SAG: variants seen among roughly 807,000 people sequenced by gnomAD.
SAG encodes the protein S-antigen visual arrestin, also known as S-arrestin.
SAG carries 45 observed loss-of-function variants against 55.0 expected under a neutral mutation model. The observed-to-expected ratio is 0.82, with a 90% CI of 0.64 to 1.05. The LOEUF is 1.05. Among genes scored for constraint, SAG ranks in the 50% least tolerant of loss-of-function variants. The pLI is 0.00. For synonymous variants in SAG, 189 were observed against 197.4 expected (o/e 0.96, Z 0.36); for missense variants, 455 against 512.1 (o/e 0.89, Z 1.08).
rs750754019 is a variant in SAG at position 233,318,776 on chromosome 2, T to C, written c.162T>C (p.Asp54=). Residue 54 remains aspartate, a synonymous_variant, in exon 4 of 16, where the codon GAT becomes GAC. Coordinates refer to ENST00000409110, the MANE Select transcript of SAG (RefSeq NM_000541.5). The part of the protein sequence containing the change: ...PVDGVVLVDP[D]LVKGKKVYVT... ...ATGGTGTCGTGTTGGTTGATCCTGA[T>C]CTTGTGAAGGGAAAGAAAGGTGAGA... The C allele has an allele frequency of 6.2e-7, 1 of 1,613,930 alleles. No individual in the cohort carries two copies. The highest frequency in any genetic ancestry group is 1.7e-5 in the Admixed American group (1 of 60,020).
intron 2 of SAG, among the ~76,000 whole-genome samples, chr2:233,309,673 G>T (rs759691885): frequency 6.6e-6 from 1 of 152,122 alleles, no homozygotes; most frequent in African/African-American, 2.4e-5. Context: ...CACTGTGAGG[G>T]CCAGGGAAGC....
intron 6 of SAG, among the ~76,000 whole-genome samples, chr2:233,325,849 T>G (rs1310767418): frequency 6.6e-6 from 1 of 152,100 alleles, no homozygotes; most frequent in South Asian, 2.1e-4. Flanking sequence ...GCTTGACAGC[T>G]GAGAAGCCCA....
chr2:233,337,250 T>G (rs200441293), intron 11 of SAG, among the ~76,000 whole-genome samples: 20,834 of 152,088 alleles, frequency 0.14, 1,628 homozygotes, highest in African/African-American at 0.21. Flanking sequence ...TATTTTTATT[T>G]TTTTTTGAGA....
Position 233,319,087 on chromosome 2 carries a change from C to T in SAG, c.181+292C>T. The T allele has an allele frequency of 1.7e-6, 1 of 590,216 alleles. No homozygotes were observed. Among genetic ancestry groups the T allele is most frequent in the East Asian group, 3.5e-5 (1 of 28,454 alleles). 36.6% of individuals were successfully genotyped at this position (590,216 alleles called of 1,614,324 possible). Reference sequence around the variant, plus strand: ...TGGCCCCCATTCCTGTTTGCTCGCCCCTGTTTCATGTACTTCTGTGCTAGG... The same window carrying T: ...TGGCCCCCATTCCTGTTTGCTCGCCTCTGTTTCATGTACTTCTGTGCTAGG... On this transcript the variant is annotated intron_variant, in intron 4 of 15. Coordinates refer to ENST00000409110, the MANE Select transcript of SAG (RefSeq NM_000541.5). The surrounding 1 kb of genome is among the most constrained non-coding windows in gnomAD (Gnocchi z 4.4).
At chr2:233,310,864 G>A (rs575155388) in intron 2 of SAG, among the ~76,000 whole-genome samples, 3 of 152,126 alleles carry the variant, frequency 2.0e-5, no homozygotes, top group East Asian at 1.9e-4. Flanking sequence ...CATCCTTACC[G>A]TGCCACCCAG....
intron 1 of SAG, 39 bp from the exon 2 acceptor site, chr2:233,309,122 AC>A: frequency 1.6e-6 from 2 of 1,235,258 alleles, no homozygotes; most frequent in South Asian, 2.5e-5. Flanking sequence ...GGATTGTCTT[AC>A]CTTTCTCCAA....
chr2:233,308,307 A>G (rs943138820), intron 1 of SAG, among the ~76,000 whole-genome samples: 4 of 152,166 alleles, frequency 2.6e-5, no homozygotes, highest in African/African-American at 9.7e-5. Flanking sequence ...AAAAAAACAA[A>G]AATAAAAATA....
intron 6 of SAG, among the ~76,000 whole-genome samples, chr2:233,325,755 C>T (rs1345867968): frequency 1.3e-5 from 2 of 152,194 alleles, no homozygotes; most frequent in Non-Finnish European, 2.9e-5. Flanking sequence ...CAGGTCTTAG[C>T]ACAGCTGCAG....
rs1175972010 is a variant in SAG, at chr2:233,346,836, A to C, written c.1142A>C (p.Glu381Ala). 1 of 1,612,240 alleles carries C rather than the reference A, an allele frequency of 6.2e-7. No homozygotes were observed. ...CAGGATGCAAATTTAGTTTTTGAGG[A>C]GTTTGCTCGCCATAATCTGAAAGAT... ...SYQDANLVFE[E>A]FARHNLKDAG... Residue 381 changes from glutamate (E) to alanine (A), a missense_variant, in exon 16 of 16, where the codon GAG becomes GCG. Glu to Ala is a moderately radical substitution (Grantham distance 107). Coordinates refer to ENST00000409110, the MANE Select transcript of SAG (RefSeq NM_000541.5).
At chr2:233,329,356 T>C in intron 8 of SAG, 137 bp from the exon 9 acceptor site, 1 of 658,502 alleles carries the variant, frequency 1.5e-6, no homozygotes, top group Non-Finnish European at 2.7e-6. Context: ...AAGAAATGTA[T>C]TGCTATCACT....
rs528755318 is a variant in SAG, at chr2:233,342,006, C to G, written c.1047-265C>G. On this transcript the variant is annotated intron_variant, in intron 13 of 15. Transcript: ENST00000409110. ...GGCCATGGTGGCATGCATTTGTAGTCCCAGCTACTCGGGAGGCTGAGATAG... is the reference window on the plus strand; with the variant it reads ...GGCCATGGTGGCATGCATTTGTAGTGCCAGCTACTCGGGAGGCTGAGATAG... Among the ~76,000 whole-genome samples, 25 of 152,192 alleles carry G rather than the reference C, an allele frequency of 1.6e-4. 1 individual carries two copies. The highest frequency in any genetic ancestry group is 6.0e-4 in the African/African-American group (25 of 41,522).
chr2:233,328,545 G>A lies in SAG; in HGVS notation c.580G>A (p.Ala194Thr), dbSNP rs1182354084. ...ACTTGAGATGGGTCCCCAGCCCCGA[G>A]CTGAGGCGGCCTGGCAGTTCTTCAT... The part of the protein sequence containing the change: ...APLEMGPQPR[A>T]EAAWQFFMSD... Residue 194 changes from alanine (A) to threonine (T), a missense_variant, in exon 8 of 16, where the codon GCT (alanine) becomes ACT (threonine). By Grantham distance (58) the Ala-to-Thr change is moderately conservative. Coordinates refer to ENST00000409110, the MANE Select transcript of SAG (RefSeq NM_000541.5). 1.9e-6 allele frequency: 3 copies of A among 1,613,956 alleles called. No individual in the cohort carries two copies. Among genetic ancestry groups the A allele is most frequent in the Admixed American group, 1.7e-5 (1 of 60,008 alleles).
intron 10 of SAG, chr2:233,334,701 A>T: frequency 2.3e-6 from 1 of 443,256 alleles, no homozygotes; most frequent in East Asian, 3.8e-5. Context: ...CATTAACTCC[A>T]TAGAACATTC....
intron 14 of SAG, chr2:233,345,585 G>A (rs13420976): frequency 0.11 from 16,276 of 151,952 alleles, 1,154 homozygotes; most frequent in African/African-American, 0.21. Context: ...GCCAGGCATG[G>A]TGGTGGGTGC....
At chr2:233,325,879 C>A (rs973141626) in intron 6 of SAG, among the ~76,000 whole-genome samples, 3 of 152,140 alleles carry the variant, frequency 2.0e-5, no homozygotes, top group African/African-American at 7.2e-5. Context: ...GCAGAACAGG[C>A]GTTGGTGTGG....
chr2:233,328,190 G>A (rs553889015), intron 7 of SAG: 17 of 346,524 alleles, frequency 4.9e-5, no homozygotes, highest in African/African-American at 3.1e-4. Context: ...GCTGACAGGA[G>A]GCAGAGCTGG....
intron 2 of SAG, among the ~76,000 whole-genome samples, chr2:233,313,204 T>C (rs577877076): frequency 6.6e-6 from 1 of 152,078 alleles, no homozygotes; most frequent in South Asian, 2.1e-4. Flanking sequence ...GACCGTGAGG[T>C]GTCCCCTGAA....
Position 233,338,693 on chromosome 2 carries a change from A to T in SAG, c.962A>T (p.Asp321Val), listed in dbSNP as rs747281142. Reference sequence around the variant, plus strand: ...TTGGGCAGCATTAAGGAGGGCATAGACCGGACCGTCCTGGGAATCCTGGTG... The same window carrying T: ...TTGGGCAGCATTAAGGAGGGCATAGTCCGGACCGTCCTGGGAATCCTGGTG... ...ASSTIIKEGI[D>V]RTVLGILVSY... The change falls in exon 12 of 16, where the codon GAC (aspartate) becomes GTC (valine). Residue 321 changes from aspartate (D) to valine (V), a missense_variant. Transcript: ENST00000409110. 21 of 1,613,868 alleles carry T rather than the reference A, an allele frequency of 1.3e-5. No individual in the cohort carries two copies. In the South Asian group the frequency reaches 2.1e-4, roughly 16 times the overall value.
chr2:233,344,437 C>G (rs1004885015), intron 14 of SAG: 1 of 152,238 alleles, frequency 6.6e-6, no homozygotes, highest in Non-Finnish European at 1.5e-5. Flanking sequence ...CTCCAAAGTG[C>G]TGGGATTACA....
Sources: gnomAD v4.1 joint callset for allele counts (sites outside exome capture counted in the v4.1 genomes callset) on GRCh38, gnomAD v4.1.1 for gene constraint, Gnocchi (gnomAD v3.1) non-coding constraint, MANE v1.5 for transcripts, NCBI Gene and HGNC (gene_info 2026-07-23, HGNC 2026-07-21) for gene names.